CFHR4: variants seen among roughly 807,000 people sequenced by gnomAD.
The protein encoded by CFHR4 is complement factor H related 4.
In CFHR4, 64 loss-of-function variants were observed where a neutral mutation model predicts 69.3. That is an observed-to-expected ratio of 0.92 (90% CI 0.76 to 1.14). The LOEUF (loss-of-function observed/expected upper bound fraction) is 1.14. Ranked by LOEUF, CFHR4 falls within the 50% of genes most tolerant of loss-of-function variation. CFHR4 has a pLI of 0.00. For synonymous variants in CFHR4, 244 were observed against 237.0 expected (o/e 1.03, Z -0.27); for missense variants, 636 against 684.9 (o/e 0.93, Z 0.80).
At chr1:196,910,077 G>C (rs1214046070) in intron 5 of CFHR4, among the ~76,000 whole-genome samples, 1 of 149,372 alleles carries the variant, frequency 6.7e-6, no homozygotes, top group African/African-American at 2.5e-5. Flanking sequence ...ACTTGAACCT[G>C]GGAGACGGAG....
intron 7 of CFHR4, among the ~76,000 whole-genome samples, chr1:196,914,176 A>G (rs927539095): frequency 1.3e-5 from 2 of 151,526 alleles, no homozygotes. Flanking sequence ...CTTTAAAATA[A>G]TAGATTGTAG....
chr1:196,905,371 T>G, intron 3 of CFHR4, 81 bp downstream of exon 3: 1 of 1,554,010 alleles, frequency 6.4e-7, no homozygotes, highest in South Asian at 1.2e-5. Flanking sequence ...CAGAAAAAGA[T>G]AGAAAACACT....
At chr1:196,896,473 T>C (rs1373052509) in intron 1 of CFHR4, among the ~76,000 whole-genome samples, 2 of 151,580 alleles carry the variant, frequency 1.3e-5, no homozygotes, top group Admixed American at 1.3e-4. Flanking sequence ...AATGGCCGCC[T>C]ATCTTTCTGT....
chr1:196,896,594 C>G (rs1241815029), intron 1 of CFHR4, among the ~76,000 whole-genome samples: 1 of 151,532 alleles, frequency 6.6e-6, no homozygotes, highest in Non-Finnish European at 1.5e-5. Context: ...CAGGTTGCTC[C>G]ATAAATACAC....
chr1:196,895,545 T>A (rs1375799410), intron 1 of CFHR4, among the ~76,000 whole-genome samples: 3 of 151,546 alleles, frequency 2.0e-5, no homozygotes, highest in Non-Finnish European at 4.4e-5. Flanking sequence ...TGCTCTACTA[T>A]GCCTCTGAAT....
intron 1 of CFHR4, among the ~76,000 whole-genome samples, chr1:196,890,811 G>T (rs970723116): frequency 3.3e-5 from 5 of 151,482 alleles, no homozygotes; most frequent in African/African-American, 1.2e-4. Context: ...CATAACAAAA[G>T]GTTCCAGGCT....
At chr1:196,899,399 T>A (rs1022301799) in intron 1 of CFHR4, among the ~76,000 whole-genome samples, 2 of 151,478 alleles carry the variant, frequency 1.3e-5, no homozygotes, top group Non-Finnish European at 2.9e-5. Flanking sequence ...GCTCAAATGA[T>A]CTTCCCACTG....
chr1:196,898,430 G>T (rs1247205062), intron 1 of CFHR4, among the ~76,000 whole-genome samples: 2 of 151,510 alleles, frequency 1.3e-5, no homozygotes, highest in Admixed American at 1.3e-4. Flanking sequence ...AGAAGTCTTT[G>T]CTTTCCAAAG....
chr1:196,905,370 A>T (rs1657855324), intron 3 of CFHR4, 80 bp downstream of exon 3: 6 of 1,558,596 alleles, frequency 3.8e-6, no homozygotes, highest in Non-Finnish European at 5.2e-6. Context: ...ACAGAAAAAG[A>T]TAGAAAACAC....
At chr1:196,892,481 C>G (rs1657092237) in intron 1 of CFHR4, among the ~76,000 whole-genome samples, 1 of 151,112 alleles carries the variant, frequency 6.6e-6, no homozygotes, top group African/African-American at 2.4e-5. Context: ...TGCAGAAGTT[C>G]AGTTAATTTT....
intron 5 of CFHR4, among the ~76,000 whole-genome samples, chr1:196,908,317 C>G (rs1281310910): frequency 6.6e-6 from 1 of 151,404 alleles, no homozygotes; most frequent in Non-Finnish European, 1.5e-5. Context: ...AAAAACCATG[C>G]ACTATTAACT....
Position 196,899,652 on chromosome 1 carries a change from T to C in CFHR4, c.59-2766T>C. On this transcript the variant is annotated intron_variant, in intron 1 of 9. Transcript: ENST00000608469. ...TGTAACTGTGAAACCAATTTCACTG[T>C]GCATAAAAACTATAAGGTAAATAAA... Among the ~76,000 whole-genome samples, 2 of 151,612 alleles carry C rather than the reference T, an allele frequency of 1.3e-5. 1 individual carries two copies. The highest frequency in any genetic ancestry group is 4.9e-5 in the African/African-American group (2 of 41,100).
In CFHR4 at chr1:196,914,402, A is replaced by T. The variant is rs540808099; in HGVS notation, c.1181-93A>T. The T allele has an allele frequency of 5.9e-4, 791 of 1,333,684 alleles. 13 individuals carry two copies. In the South Asian group the frequency reaches 7.0e-3, roughly 12 times the overall value. 82.6% of individuals were successfully genotyped at this position (1,333,684 alleles called of 1,614,324 possible). A position where few individuals can be genotyped will look rare whatever the true frequency, so the allele number is the denominator to read the frequency against. On this transcript the variant is annotated intron_variant, in intron 7 of 9. Coordinates refer to ENST00000608469, the MANE Select transcript of CFHR4 (RefSeq NM_001201550.3). ...GTACTCAATTTATTAGCACACACTG[A>T]TTGGTAAATTTTATCCCTACAATGG...
chr1:196,912,571 G>A (rs1189056158), intron 6 of CFHR4, among the ~76,000 whole-genome samples, 169 bp from the exon 7 acceptor site: 12 of 151,250 alleles, frequency 7.9e-5, no homozygotes, highest in Admixed American at 3.3e-4. Flanking sequence ...TCAGAAATTC[G>A]TGGTTTCCTT....
chr1:196,895,797 AC>A (rs1395362092), intron 1 of CFHR4, among the ~76,000 whole-genome samples: 2 of 151,368 alleles, frequency 1.3e-5, no homozygotes, highest in African/African-American at 4.9e-5. Flanking sequence ...AATAGGCCAT[AC>A]TTTCCTATTT....
rs1251412196 is a variant in CFHR4 at position 196,902,515 on chromosome 1, T to C, written c.156T>C (p.Tyr52=). Residue 52 remains tyrosine (Y), a synonymous_variant, in exon 2 of 10, where the codon TAT becomes TAC. Coordinates refer to ENST00000608469, the MANE Select transcript of CFHR4 (RefSeq NM_001201550.3). The stretch of plus-strand genomic sequence containing the variant: ...TTCCAGCAGCTGCAGGACAATCTTA[T>C]TCCTATTACTGTGATCAAAATTTTG... The part of the protein sequence containing the change: ...LYFPAAAGQS[Y]SYYCDQNFVT... The C allele has an allele frequency of 1.2e-6, 2 of 1,610,998 alleles. No homozygotes were observed. The highest frequency in any genetic ancestry group is 2.2e-5 in the East Asian group (1 of 44,804).
At position 196,912,886 on chromosome 1, in the gene CFHR4, T is replaced by C. The variant is rs1658355831; in HGVS notation, c.1144T>C (p.Leu382=). ...AAATTCTTCAGGTTCAATTACATGT[T>C]TGCAAAATGGATGGTCAGCACAACC... ...DGNSSGSITC[L]QNGWSAQPIC... is the part of the protein sequence containing the mutation. Residue 382 remains leucine, a synonymous_variant, in exon 7 of 10, where the codon TTG becomes CTG. Coordinates refer to ENST00000608469, the MANE Select transcript of CFHR4 (RefSeq NM_001201550.3). The C allele has an allele frequency of 6.2e-7, 1 of 1,611,720 alleles. No individual in the cohort carries two copies. Among genetic ancestry groups the C allele is most frequent in the South Asian group, 1.1e-5 (1 of 90,904 alleles).
Position 196,918,407 on chromosome 1 carries a change from G to A in CFHR4, c.*1G>A. 2 of 1,610,240 alleles carry A rather than the reference G, an allele frequency of 1.2e-6. No homozygotes were observed. ...AGTGGAATACCCCAGATGCGAATAA[G>A]GCAGCATTGTTACCCTAAATGTATG... On this transcript the variant is annotated 3_prime_UTR_variant, in exon 10 of 10. Coordinates refer to ENST00000608469, the MANE Select transcript of CFHR4 (RefSeq NM_001201550.3).
chr1:196,890,258 A>C (rs1656951407), intron 1 of CFHR4, among the ~76,000 whole-genome samples: 1 of 151,576 alleles, frequency 6.6e-6, no homozygotes, highest in Non-Finnish European at 1.5e-5. Flanking sequence ...ATTCATATCT[A>C]TTCAGAATCT....
Sources: gnomAD v4.1 joint callset for allele counts (sites outside exome capture counted in the v4.1 genomes callset) on GRCh38, gnomAD v4.1.1 for gene constraint, MANE v1.5 for transcripts, NCBI Gene and HGNC (gene_info 2026-07-23, HGNC 2026-07-21) for gene names.